Variants in GRID2IP observed in about 807,000 individuals in gnomAD.
GRID2IP encodes delphilin.
Under a neutral mutation model 114.3 loss-of-function variants are expected in GRID2IP, and 78 were observed. The observed-to-expected ratio is 0.68, with a 90% CI of 0.57 to 0.82. The LOEUF is 0.82. Among genes scored for constraint, GRID2IP ranks in the 40% least tolerant of loss-of-function variants. GRID2IP has a pLI of 0.00. For synonymous variants in GRID2IP, 809 were observed against 724.0 expected, an observed-to-expected ratio of 1.12 and a Z score of -1.89; for missense variants, 1,727 against 1,678.5, an observed-to-expected ratio of 1.03 and a Z score of -0.51.
chr7:6,529,415 C>T (rs1779574302), intron 2 of GRID2IP, among the ~76,000 whole-genome samples: 1 of 151,892 alleles, frequency 6.6e-6, no homozygotes, highest in Admixed American at 6.6e-5. Flanking sequence ...TGTACCACTG[C>T]ACTCCAGCCT....
chr7:6,512,225 T>C (rs1326092363), intron 8 of GRID2IP, among the ~76,000 whole-genome samples: 2 of 132,388 alleles, frequency 1.5e-5, no homozygotes, highest in African/African-American at 2.9e-5. Context: ...CTTTTTTTCT[T>C]TTCTTCTTTT....
At chr7:6,531,363 G>A (rs1779620013) in intron 2 of GRID2IP, among the ~76,000 whole-genome samples, 1 of 152,204 alleles carries the variant, frequency 6.6e-6, no homozygotes, top group African/African-American at 2.4e-5. Flanking sequence ...AAGCCGCCGC[G>A]CTCACTCCCC....
chr7:6,518,828 A>G (rs1428838779), intron 7 of GRID2IP, among the ~76,000 whole-genome samples: 1 of 152,226 alleles, frequency 6.6e-6, no homozygotes, highest in Middle Eastern at 3.2e-3. Context: ...GTTATAATCA[A>G]TGTATGAAAT....
chr7:6,503,163 T>C lies in GRID2IP; in HGVS notation c.2908A>G (p.Met970Val). ...GTCTTGTATTCGGGAACTGACAGCA[T>C]CTGCCTCGAAGGCAGAGCCAGGATT... is the stretch of plus-strand genomic sequence containing the variant. ...LSEPDQFVLQ[M>V]LSVPEYKTRL... The change falls in exon 17 of 22, where the codon ATG becomes GTG. Residue 970 changes from methionine (M) to valine (V), a missense_variant and splice_region_variant. Physicochemically the swap from Met to Val is conservative, Grantham distance 21. Transcript: ENST00000457091. 1 of 1,512,470 alleles carries C rather than the reference T, an allele frequency of 6.6e-7. No individual in the cohort carries two copies. The highest frequency in any genetic ancestry group is 8.9e-7 in the Non-Finnish European group (1 of 1,125,570). 93.7% of individuals were successfully genotyped at this position (1,512,470 alleles called of 1,614,324 possible).
chr7:6,503,964 G>A (rs956656867), intron 15 of GRID2IP, among the ~76,000 whole-genome samples: 3 of 148,816 alleles, frequency 2.0e-5, no homozygotes, highest in Admixed American at 1.3e-4. Context: ...GTGAGCAGGG[G>A]CCGGGAGAGG....
Position 6,551,256 on chromosome 7 carries a change from T to A in GRID2IP, c.181A>T (p.Ser61Cys), listed in dbSNP as rs1327778888. 2 of 1,534,954 alleles carry A rather than the reference T, an allele frequency of 1.3e-6. No homozygotes were observed. Among genetic ancestry groups the A allele is most frequent in the Admixed American group, 2.0e-5 (1 of 50,814 alleles). The change falls in exon 1 of 22, where the codon AGC (serine) becomes TGC (cysteine). Residue 61 changes from serine (S) to cysteine (C), a missense_variant. Ser to Cys is a moderately radical substitution (Grantham distance 112, BLOSUM62 -1). Transcript: ENST00000457091. ...GCCAGGCGCACGAGGCGCTCGCGGC[T>A]CAGACCGCCCACCGCCAGCCCCTCC... ...EVEGLAVGGL[S>C]RERLVRLARR...
intron 4 of GRID2IP, among the ~76,000 whole-genome samples, chr7:6,525,722 T>TCAGCAGGTGTTAGA (rs1423730302): frequency 1.3e-5 from 2 of 152,140 alleles, no homozygotes; most frequent in Non-Finnish European, 1.5e-5. Context: ...AAGTCCATAT[T>TCAGCAGGTGTTAGA]CAGCAGGTGT....
In GRID2IP at chr7:6,536,864, G is replaced by A. The variant is rs751147601; in HGVS notation, c.584+2854C>T. 1 of 690,932 alleles carries A rather than the reference G, an allele frequency of 1.4e-6. No homozygotes were observed. Among genetic ancestry groups the A allele is most frequent in the Non-Finnish European group, 2.6e-6 (1 of 378,080 alleles). The allele number at this position is 690,932 out of a possible 1,614,324, so 42.8% of individuals were successfully genotyped here. The stretch of plus-strand genomic sequence containing the variant: ...GCTCATGGTGGCCTCTTTCGGTGGT[G>A]GTCGCCTATGCTCCGCTGCAGAGCC... On this transcript the variant is annotated intron_variant, in intron 2 of 21. Coordinates refer to ENST00000457091, the MANE Select transcript of GRID2IP (RefSeq NM_001145118.2). The surrounding 1 kb of genome is among the most constrained non-coding windows in gnomAD (Gnocchi z 5.3).
chr7:6,526,686 C>T lies in GRID2IP; in HGVS notation c.668G>A (p.Arg223Gln), dbSNP rs1779520089. ...GLLGKLCRARRAQGAQRLRRS... is the reference protein window; with the variant it reads ...GLLGKLCRARQAQGAQRLRRS... Reference sequence around the variant, plus strand: ...GCGCAGTCGCTGCGCGCCCTGGGCCCGGCGTGCGCGGCACAGCTTGCCCAG... The same window carrying T: ...GCGCAGTCGCTGCGCGCCCTGGGCCTGGCGTGCGCGGCACAGCTTGCCCAG... Residue 223 changes from arginine to glutamine, a missense_variant, in exon 3 of 22, where the codon CGG (arginine) becomes CAG (glutamine). Arg to Gln is a conservative substitution (Grantham distance 43, BLOSUM62 1). Transcript: ENST00000457091. The surrounding 1 kb of genome is among the most constrained non-coding windows in gnomAD (Gnocchi z 7.6). 14 of 1,485,964 alleles carry T rather than the reference C, an allele frequency of 9.4e-6. No individual in the cohort carries two copies. The highest frequency in any genetic ancestry group is 1.2e-5 in the Non-Finnish European group (14 of 1,120,202). The allele number at this position is 1,485,964 out of a possible 1,614,324, so 92.0% of individuals were successfully genotyped here.
rs535695670 is a variant in GRID2IP at position 6,522,243 on chromosome 7, G to A, written c.920-286C>T. 2.6e-5 allele frequency among the ~76,000 whole-genome samples: 4 copies of A among 152,212 alleles called. No individual in the cohort carries two copies. In the South Asian group the frequency reaches 6.2e-4, roughly 24 times the overall value. Reference sequence around the variant, plus strand: ...GGGTGGCAGAGGAGAGTCAAATCAGGTCAGCAGACCCCTGTAATAGACTCT... The same window carrying A: ...GGGTGGCAGAGGAGAGTCAAATCAGATCAGCAGACCCCTGTAATAGACTCT... On this transcript the variant is annotated intron_variant, in intron 4 of 21. Transcript: ENST00000457091.
In GRID2IP at chr7:6,526,532, C is replaced by G; in HGVS notation, c.822G>C (p.Gly274=). 1 of 1,233,862 alleles carries G rather than the reference C, an allele frequency of 8.1e-7. No homozygotes were observed. Among genetic ancestry groups the G allele is most frequent in the South Asian group, 3.5e-5 (1 of 28,266 alleles). 76.4% of individuals were successfully genotyped at this position (1,233,862 alleles called of 1,614,324 possible). A position where few individuals can be genotyped will look rare whatever the true frequency, so the allele number is the denominator to read the frequency against. The change falls in exon 3 of 22, where the codon GGG becomes GGC. Residue 274 remains glycine (G), a synonymous_variant. Coordinates refer to ENST00000457091, the MANE Select transcript of GRID2IP (RefSeq NM_001145118.2). The surrounding 1 kb of genome is among the most constrained non-coding windows in gnomAD (Gnocchi z 7.6). The stretch of plus-strand genomic sequence containing the variant: ...TGAGCCCCGCGTACCTGCGCGCGCC[C>G]CCGGGGCCGGCGAGGCCGCCCACCA... ...SLLVGGLAGP[G]GARRTVRVYK...
At chr7:6,548,953 T>C (rs1339658767) in intron 1 of GRID2IP, among the ~76,000 whole-genome samples, 2 of 152,100 alleles carry the variant, frequency 1.3e-5, no homozygotes, top group Non-Finnish European at 2.9e-5. Context: ...GGGTAGGGAC[T>C]GAGTGTCTTG....
intron 2 of GRID2IP, among the ~76,000 whole-genome samples, chr7:6,538,295 G>A (rs1779759811): frequency 6.6e-6 from 1 of 152,242 alleles, no homozygotes; most frequent in Admixed American, 6.5e-5. Context: ...GAGCCCAGGA[G>A]TTGGAGGCTG....
chr7:6,524,031 G>A (rs190726325), intron 4 of GRID2IP, among the ~76,000 whole-genome samples: 1 of 152,160 alleles, frequency 6.6e-6, no homozygotes, highest in African/African-American at 2.4e-5. Context: ...TGCCCAAATC[G>A]GGGAAGAACC....
chr7:6,530,886 C>G lies in GRID2IP; in HGVS notation c.585-4117G>C, dbSNP rs549051963. Among the ~76,000 whole-genome samples the G allele has an allele frequency of 1.0e-4, 16 of 152,386 alleles. No homozygotes were observed. In the South Asian group the frequency reaches 2.7e-3, roughly 26 times the overall value. The stretch of plus-strand genomic sequence containing the variant: ...CGCTTAGACCTCGCCGCCCCGGTAC[C>G]CACCGAGTTTATTTCCAACCTCCCT... On this transcript the variant is annotated intron_variant, in intron 2 of 21. Coordinates refer to ENST00000457091, the MANE Select transcript of GRID2IP (RefSeq NM_001145118.2).
rs971230250 is a variant in GRID2IP at position 6,506,086 on chromosome 7, G to C, written c.2545-179C>G. Among the ~76,000 whole-genome samples the C allele has an allele frequency of 6.6e-6, 1 of 152,202 alleles. No individual in the cohort carries two copies. The highest frequency in any genetic ancestry group is 2.4e-5 in the African/African-American group (1 of 41,460). ...GAGAAGCCAGATCATCCGAGTCACC[G>C]GGTGCTGAGCCAGCGCCTCCTGGGG... On this transcript the variant is annotated intron_variant, in intron 13 of 21. Transcript: ENST00000457091. This position sits in a 1 kb window ranked among gnomAD's most constrained non-coding sequence, Gnocchi z 5.2.
Position 6,520,599 on chromosome 7 carries a change from A to G in GRID2IP, c.1247T>C (p.Leu416Pro), listed in dbSNP as rs1779393087. ...CCACCTGTGCTGGAAGAAGCTCTCG[A>G]GGGCCCGGCAGACCCCATAGCGCTC... ...PPERYGVCRA[L>P]ESFFQHRNID... The change falls in exon 7 of 22, where the codon CTC (leucine) becomes CCC (proline). Residue 416 changes from leucine (L) to proline (P), a missense_variant. By Grantham distance (98) the Leu-to-Pro change is moderately conservative (BLOSUM62 -3). Coordinates refer to ENST00000457091, the MANE Select transcript of GRID2IP (RefSeq NM_001145118.2). The surrounding 1 kb of genome is among the most constrained non-coding windows in gnomAD (Gnocchi z 4.6). 6.4e-7 allele frequency: 1 copy of G among 1,551,224 alleles called. No individual in the cohort carries two copies. The highest frequency in any genetic ancestry group is 2.0e-5 in the Admixed American group (1 of 50,976).
Position 6,521,389 on chromosome 7 carries a change from T to C in GRID2IP, c.1084+40A>G. 7.1e-7 allele frequency: 1 copy of C among 1,408,080 alleles called. No individual in the cohort carries two copies. Among genetic ancestry groups the C allele is most frequent in the Non-Finnish European group, 9.6e-7 (1 of 1,039,370 alleles). 87.2% of individuals were successfully genotyped at this position (1,408,080 alleles called of 1,614,324 possible). On this transcript the variant is annotated intron_variant, in intron 6 of 21. Transcript: ENST00000457091. This position sits in a 1 kb window ranked among gnomAD's most constrained non-coding sequence, Gnocchi z 4.1. ...CACATATAGCAGCCTGGGCAGGGTCTCTGGGGGCCAAGGAAGCCAAGTGTC... is the reference window on the plus strand; with the variant it reads ...CACATATAGCAGCCTGGGCAGGGTCCCTGGGGGCCAAGGAAGCCAAGTGTC...
rs1157069811 is a variant in GRID2IP at position 6,515,842 on chromosome 7, T to C, written c.1269-1313A>G. Among the ~76,000 whole-genome samples, 6 of 152,162 alleles carry C rather than the reference T, an allele frequency of 3.9e-5. No homozygotes were observed. The East Asian group carries it at 9.7e-4, about 25-fold the overall frequency. On this transcript the variant is annotated intron_variant, in intron 7 of 21. Coordinates refer to ENST00000457091, the MANE Select transcript of GRID2IP (RefSeq NM_001145118.2). ...GGCTGGGGGTGGTGGCTCACGCCTGTAATCCTAGCACTTTGGGAGGCTGAG... is the reference window on the plus strand; with the variant it reads ...GGCTGGGGGTGGTGGCTCACGCCTGCAATCCTAGCACTTTGGGAGGCTGAG...
Sources: allele counts gnomAD v4.1 joint callset (sites outside exome capture counted in the v4.1 genomes callset), GRCh38; gene constraint gnomAD v4.1.1; non-coding constraint Gnocchi (gnomAD v3.1); transcripts MANE v1.5; gene names NCBI Gene and HGNC (gene_info 2026-07-23, HGNC 2026-07-21).